FER: variants seen among roughly 807,000 people sequenced by gnomAD.
FER encodes the protein tyrosine-protein kinase Fer.
In FER, 63 loss-of-function variants were observed where a neutral mutation model predicts 111.0. That is an observed-to-expected ratio of 0.57 (90% CI 0.46 to 0.70). FER has a LOEUF of 0.70. FER is among the 30% of genes least tolerant of loss of function. The pLI is 0.00. For missense variants in FER, 914 were observed against 954.0 expected (o/e 0.96, Z 0.55); for synonymous variants, 327 against 313.9 (o/e 1.04, Z -0.44).
chr5:108,930,890 A>G (rs1243139750), intron 10 of FER, among the ~76,000 whole-genome samples: 1 of 151,934 alleles, frequency 6.6e-6, no homozygotes, highest in African/African-American at 2.4e-5. Flanking sequence ...TTGAGATCAC[A>G]CGCGTGAGCC....
intron 17 of FER, among the ~76,000 whole-genome samples, chr5:109,106,389 C>T (rs1450930885): frequency 2.0e-5 from 3 of 151,834 alleles, no homozygotes; most frequent in Non-Finnish European, 2.9e-5. Flanking sequence ...TTAGAATGCC[C>T]CCTTATGCTT....
At chr5:109,180,928 A>G (rs6594349) in intron 18 of FER, 27 bp downstream of exon 18, 1,208,109 of 1,533,188 alleles carry the variant, frequency 0.79, 478,173 homozygotes, top group African/African-American at 0.83. Flanking sequence ...TTTTTTTTTT[A>G]ATGGTAAAAA....
intron 5 of FER, among the ~76,000 whole-genome samples, chr5:108,867,463 C>G (rs1228507170): frequency 6.6e-6 from 1 of 152,012 alleles, no homozygotes; most frequent in East Asian, 1.9e-4. Context: ...ACTGCTGTTT[C>G]AATTTGGTAT....
At chr5:109,176,372 A>C (rs1757688891) in intron 17 of FER, among the ~76,000 whole-genome samples, 1 of 152,186 alleles carries the variant, frequency 6.6e-6, no homozygotes, top group African/African-American at 2.4e-5. Flanking sequence ...AAGCAAAATA[A>C]GTAAGGCAGA....
intron 16 of FER, among the ~76,000 whole-genome samples, chr5:109,063,715 C>T (rs979492148): frequency 2.0e-4 from 31 of 152,054 alleles, no homozygotes; most frequent in African/African-American, 6.3e-4. Context: ...ACGTTGCAAA[C>T]GGATTACTAA....
At chr5:108,938,920 G>A (rs1755884840) in intron 10 of FER, among the ~76,000 whole-genome samples, 1 of 151,926 alleles carries the variant, frequency 6.6e-6, no homozygotes, top group South Asian at 2.1e-4. Flanking sequence ...CACCTTCTGA[G>A]GTGTATTTTG....
intron 16 of FER, among the ~76,000 whole-genome samples, chr5:109,063,514 A>G (rs892513523): frequency 1.1e-4 from 16 of 152,208 alleles, no homozygotes; most frequent in African/African-American, 3.9e-4. Context: ...CCTCATACTC[A>G]CTAAAAGAGA....
At chr5:109,045,466 A>G (rs1030006868) in intron 15 of FER, among the ~76,000 whole-genome samples, 3 of 152,168 alleles carry the variant, frequency 2.0e-5, no homozygotes, top group Non-Finnish European at 2.9e-5. Flanking sequence ...TGATAAGATA[A>G]TAAAGAATAA....
At chr5:109,024,333 T>C (rs1768358636) in intron 13 of FER, among the ~76,000 whole-genome samples, 1 of 152,174 alleles carries the variant, frequency 6.6e-6, no homozygotes, top group Non-Finnish European at 1.5e-5. Flanking sequence ...CACTGTGTAT[T>C]CCTTGAAGCC....
intron 17 of FER, among the ~76,000 whole-genome samples, chr5:109,161,937 A>C (rs1051262456): frequency 1.3e-5 from 2 of 151,974 alleles, no homozygotes; most frequent in African/African-American, 2.4e-5. Flanking sequence ...TCTGTTACTT[A>C]CTTTTTAATA....
At chr5:109,036,721 A>G (rs1395687871) in intron 13 of FER, among the ~76,000 whole-genome samples, 1 of 149,610 alleles carries the variant, frequency 6.7e-6, no homozygotes, top group African/African-American at 2.5e-5. Flanking sequence ...ATTAAAAACC[A>G]TATTTTTTCT....
At chr5:108,761,720 G>A (rs778841781) in intron 1 of FER, among the ~76,000 whole-genome samples, 11 of 152,046 alleles carry the variant, frequency 7.2e-5, no homozygotes, top group Non-Finnish European at 1.3e-4. Context: ...GCAGAAAGTC[G>A]AAGTGCAATA....
At chr5:108,887,644 G>A (rs146947657) in intron 9 of FER, among the ~76,000 whole-genome samples, 2 of 151,806 alleles carry the variant, frequency 1.3e-5, no homozygotes, top group Admixed American at 6.6e-5. Flanking sequence ...TGCATTTAGT[G>A]TATTTAATAT....
intron 9 of FER, chr5:108,894,455 G>A (rs1748722164): frequency 4.7e-6 from 2 of 427,252 alleles, no homozygotes; most frequent in Non-Finnish European, 8.6e-6. Flanking sequence ...GAATGAAGCA[G>A]TTCTTCACTG....
chr5:108,852,467 G>A (rs1474711193), intron 5 of FER, among the ~76,000 whole-genome samples: 1 of 151,980 alleles, frequency 6.6e-6, no homozygotes, highest in Non-Finnish European at 1.5e-5. Flanking sequence ...ATGGCAACTA[G>A]CCTTCTTATT....
chr5:108,798,517 A>T, intron 3 of FER, 128 bp downstream of exon 3: 1 of 792,334 alleles, frequency 1.3e-6, no homozygotes, highest in Non-Finnish European at 2.0e-6. Context: ...AGTTTTACAG[A>T]GTATGAAAAT....
At chr5:108,806,022 G>T (rs1757168680) in intron 3 of FER, among the ~76,000 whole-genome samples, 1 of 152,080 alleles carries the variant, frequency 6.6e-6, no homozygotes, top group African/African-American at 2.4e-5. Context: ...TCCATCATAG[G>T]CCTGGAGGCC....
intron 13 of FER, among the ~76,000 whole-genome samples, chr5:109,027,944 T>C (rs1201733571): frequency 1.3e-5 from 2 of 152,226 alleles, no homozygotes; most frequent in Non-Finnish European, 2.9e-5. Context: ...GGGATTTACA[T>C]AGTGTTTTCA....
At position 109,000,596 on chromosome 5, in the gene FER, A is replaced by G. The variant is rs185624676; in HGVS notation, c.1657-36826A>G. 8.4e-3 allele frequency among the ~76,000 whole-genome samples: 1,272 copies of G among 152,226 alleles called. 18 individuals carry two copies. Among genetic ancestry groups the G allele is most frequent in the African/African-American group, 0.029 (1,207 of 41,530 alleles). ...CCCTAACATCACAATTAAAAGAACTAGAGAAGCAAGAGCAAACACATTCAA... is the reference window on the plus strand; with the variant it reads ...CCCTAACATCACAATTAAAAGAACTGGAGAAGCAAGAGCAAACACATTCAA... On this transcript the variant is annotated intron_variant, in intron 13 of 19. Coordinates refer to ENST00000281092, the MANE Select transcript of FER (RefSeq NM_005246.4).
Sources: allele counts gnomAD v4.1 joint callset (sites outside exome capture counted in the v4.1 genomes callset), GRCh38; gene constraint gnomAD v4.1.1; transcripts MANE v1.5; gene names NCBI Gene and HGNC (gene_info 2026-07-23, HGNC 2026-07-21).